Variants in ADAM17 observed in about 807,000 individuals in gnomAD.
The protein encoded by ADAM17 is disintegrin and metalloproteinase domain-containing protein 17.
In ADAM17, 39 loss-of-function variants were observed where a neutral mutation model predicts 96.7. The ratio of observed to expected loss-of-function variants is 0.40; its 90% confidence interval spans 0.31 to 0.53. The LOEUF is 0.53. Ranked by LOEUF, ADAM17 falls within the 20% of genes least tolerant of loss-of-function variation. The pLI is 0.44. For missense variants in ADAM17, 777 were observed against 1,013.2 expected (o/e 0.77, Z 3.17); for synonymous variants, 344 against 359.2 (o/e 0.96, Z 0.48).
intron 1 of ADAM17, among the ~76,000 whole-genome samples, chr2:9,553,390 G>C (rs76987615): frequency 5.3e-5 from 8 of 149,724 alleles, no homozygotes; most frequent in Non-Finnish European, 1.2e-4. Context: ...AAAAAAAAAA[G>C]AGGCCGGGCC....
intron 4 of ADAM17, among the ~76,000 whole-genome samples, chr2:9,535,569 G>C (rs894039224): frequency 6.6e-5 from 10 of 152,142 alleles, no homozygotes; most frequent in Non-Finnish European, 1.0e-4. Context: ...ATTAAAAAAT[G>C]AGTCAGGAGG....
chr2:9,529,585 G>T (rs1385162776), intron 4 of ADAM17, among the ~76,000 whole-genome samples: 5 of 152,190 alleles, frequency 3.3e-5, no homozygotes, highest in South Asian at 2.1e-4. Context: ...TAGGGAGGAA[G>T]GGGGAAGTAT....
intron 1 of ADAM17, among the ~76,000 whole-genome samples, chr2:9,544,439 C>T (rs1041238583): frequency 6.6e-6 from 1 of 152,124 alleles, no homozygotes; most frequent in Non-Finnish European, 1.5e-5. Context: ...GCAGGAGAAT[C>T]GCTTGAACCC....
At chr2:9,522,334 A>G in intron 7 of ADAM17, 1 of 527,800 alleles carries the variant, frequency 1.9e-6, no homozygotes, top group Non-Finnish European at 3.5e-6. Context: ...AACTAGTGAC[A>G]TGAATGTCTT....
chr2:9,552,188 C>A (rs532974408), intron 1 of ADAM17, among the ~76,000 whole-genome samples: 1 of 152,186 alleles, frequency 6.6e-6, no homozygotes, highest in African/African-American at 2.4e-5. Flanking sequence ...CAGCTGTATA[C>A]ACTTATTATC....
At chr2:9,537,813 A>T (rs1665024230) in intron 2 of ADAM17, among the ~76,000 whole-genome samples, 1 of 150,500 alleles carries the variant, frequency 6.6e-6, no homozygotes, top group Non-Finnish European at 1.5e-5. Flanking sequence ...TTAGGAAAAT[A>T]AATACAAGGT....
intron 4 of ADAM17, among the ~76,000 whole-genome samples, chr2:9,529,853 C>A (rs566115365): frequency 3.2e-4 from 48 of 151,954 alleles, no homozygotes; most frequent in Non-Finnish European, 5.9e-5. Context: ...CGCCTGTAAT[C>A]CCAGCTACTC....
At chr2:9,552,759 G>C (rs544290746) in intron 1 of ADAM17, among the ~76,000 whole-genome samples, 1 of 152,108 alleles carries the variant, frequency 6.6e-6, no homozygotes, top group South Asian at 2.1e-4. Context: ...TCATGACTAA[G>C]CTCATATGAC....
chr2:9,505,417 T>TCC, intron 11 of ADAM17, 52 bp from the exon 12 acceptor site: 1 of 1,527,964 alleles, frequency 6.5e-7, no homozygotes, highest in South Asian at 1.1e-5. Flanking sequence ...AAAAATGTAT[T>TCC]CCCATGCAAT....
intron 3 of ADAM17, 102 bp downstream of exon 3, chr2:9,536,596 C>A: frequency 1.3e-6 from 2 of 1,484,670 alleles, no homozygotes; most frequent in Non-Finnish European, 1.8e-6. Context: ...TCTATGACAC[C>A]CCGTCCCCAC....
intron 2 of ADAM17, among the ~76,000 whole-genome samples, chr2:9,541,571 C>CA (rs1398667933): frequency 1.3e-5 from 2 of 151,814 alleles, no homozygotes; most frequent in South Asian, 2.1e-4. Flanking sequence ...TCTCAAAAAA[C>CA]AAAAAACAAA....
intron 16 of ADAM17, 67 bp from the exon 17 acceptor site, chr2:9,493,053 T>C (rs1662291456): frequency 7.6e-7 from 1 of 1,317,752 alleles, no homozygotes; most frequent in South Asian, 1.3e-5. Context: ...GAAATGCTCT[T>C]AGGATATTAC....
intron 15 of ADAM17, 116 bp downstream of exon 15, chr2:9,494,521 C>A: frequency 1.6e-6 from 2 of 1,220,008 alleles, no homozygotes; most frequent in South Asian, 2.9e-5. Flanking sequence ...AACAATGGGC[C>A]AGAAGGATGT....
chr2:9,490,429 A>G lies in ADAM17; in HGVS notation c.2223T>C (p.Pro741=), dbSNP rs200268337. The G allele has an allele frequency of 3.1e-6, 5 of 1,614,204 alleles. No homozygotes were observed. The highest frequency in any genetic ancestry group is 4.2e-6 in the Non-Finnish European group (5 of 1,180,042). The part of the protein sequence containing the change: ...PAPQTPGRLQ[P]APVIPSAPAA... The stretch of plus-strand genomic sequence containing the variant: ...CTGGCGCCGAAGGGATCACAGGGGC[A>G]GGCTGCAGGCGGCCTGGAGTCTGGG... Residue 741 remains proline (P), a synonymous_variant, in exon 19 of 19, where the codon CCT becomes CCC. Transcript: ENST00000310823.
chr2:9,515,461 G>A (rs1664006556), intron 10 of ADAM17, among the ~76,000 whole-genome samples: 3 of 152,092 alleles, frequency 2.0e-5, no homozygotes, highest in Non-Finnish European at 2.9e-5. Context: ...TTATGGCTGG[G>A]CGTAGTGGCT....
intron 2 of ADAM17, among the ~76,000 whole-genome samples, chr2:9,538,668 T>A (rs1388688754): frequency 6.6e-6 from 1 of 152,234 alleles, no homozygotes; most frequent in East Asian, 1.9e-4. Context: ...ACATTAAGAA[T>A]CTTTTCTAAA....
At chr2:9,532,041 G>A (rs151074016) in intron 4 of ADAM17, among the ~76,000 whole-genome samples, 7 of 152,292 alleles carry the variant, frequency 4.6e-5, no homozygotes, top group South Asian at 4.1e-4. Flanking sequence ...AGCCCAGGAG[G>A]TCAAGGCTGC....
chr2:9,497,369 C>G (rs1274562924), intron 13 of ADAM17, 121 bp from the exon 14 acceptor site: 34 of 1,292,624 alleles, frequency 2.6e-5, no homozygotes, highest in Non-Finnish European at 3.6e-5. Flanking sequence ...AAAAAGTGAC[C>G]TACAGAGCTA....
At chr2:9,542,733 C>CT (rs1665258275) in intron 2 of ADAM17, among the ~76,000 whole-genome samples, 1 of 152,226 alleles carries the variant, frequency 6.6e-6, no homozygotes, top group African/African-American at 2.4e-5. Flanking sequence ...GAGTCTCACT[C>CT]TGTTGCCCAG....
Sources: gnomAD v4.1 joint callset for allele counts (sites outside exome capture counted in the v4.1 genomes callset) on GRCh38, gnomAD v4.1.1 for gene constraint, MANE v1.5 for transcripts, NCBI Gene and HGNC (gene_info 2026-07-23, HGNC 2026-07-21) for gene names.